Variants in SOX6 observed in about 807,000 individuals in gnomAD.
SOX6 encodes SRY-box transcription factor 6, also known as transcription factor SOX-6.
In SOX6, 11 loss-of-function variants were observed where a neutral mutation model predicts 97.8. The ratio of observed to expected loss-of-function variants is 0.11; its 90% confidence interval spans 0.07 to 0.19. The LOEUF (loss-of-function observed/expected upper bound fraction) is 0.19, where lower values mean the gene tolerates loss of function less well. Ranked by LOEUF, SOX6 falls within the 10% of genes least tolerant of loss-of-function variation. The pLI is 1.00. For synonymous variants in SOX6, 360 were observed against 371.4 expected (o/e 0.97, Z 0.35); for missense variants, 810 against 1,039.5 (o/e 0.78, Z 3.04).
intron 4 of SOX6, among the ~76,000 whole-genome samples, chr11:16,211,098 T>G (rs912483287): frequency 6.6e-6 from 1 of 151,544 alleles, no homozygotes; most frequent in African/African-American, 2.4e-5. Flanking sequence ...GGTAAACACA[T>G]AAAAATAAAA....
intron 4 of SOX6, among the ~76,000 whole-genome samples, chr11:16,192,991 G>A (rs971171292): frequency 6.6e-6 from 1 of 152,022 alleles, no homozygotes; most frequent in Non-Finnish European, 1.5e-5. Flanking sequence ...CCCATACCTA[G>A]AACTTTTACA....
At chr11:16,488,699 A>C (rs1198407848) in intron 4 of SOX6, among the ~76,000 whole-genome samples, 1 of 152,162 alleles carries the variant, frequency 6.6e-6, no homozygotes, top group Non-Finnish European at 1.5e-5. Flanking sequence ...AGTCCTTCTC[A>C]ACCTTACCTT....
intron 4 of SOX6, among the ~76,000 whole-genome samples, chr11:16,517,920 G>A (rs1281332623): frequency 6.6e-6 from 1 of 151,990 alleles, no homozygotes; most frequent in African/African-American, 2.4e-5. Flanking sequence ...TTCTCTCACT[G>A]CCCTTGACTA....
At chr11:16,603,998 G>A (rs1255165780) in intron 4 of SOX6, among the ~76,000 whole-genome samples, 1 of 152,214 alleles carries the variant, frequency 6.6e-6, no homozygotes, top group Admixed American at 6.5e-5. Flanking sequence ...GGTGCTGAGT[G>A]CGCAGGCTAA....
intron 4 of SOX6, among the ~76,000 whole-genome samples, chr11:16,202,846 T>C (rs1851975841): frequency 6.6e-6 from 1 of 152,170 alleles, no homozygotes; most frequent in South Asian, 2.1e-4. Flanking sequence ...AGACTACTCG[T>C]AATTTTAAAA....
chr11:15,974,174 G>A (rs1564887799), intron 15 of SOX6, among the ~76,000 whole-genome samples: 1 of 152,030 alleles, frequency 6.6e-6, no homozygotes, highest in Admixed American at 6.5e-5. Context: ...ATACAAGCCG[G>A]GGTCAGGGAA....
intron 4 of SOX6, chr11:16,483,978 C>A (rs1189347635): frequency 1.2e-6 from 1 of 854,172 alleles, no homozygotes; most frequent in Non-Finnish European, 2.0e-6. Context: ...TGGCTGTGAT[C>A]ACCTTGATCC....
chr11:16,100,656 A>T (rs1448714585), intron 7 of SOX6, among the ~76,000 whole-genome samples: 2 of 151,572 alleles, frequency 1.3e-5, no homozygotes, highest in African/African-American at 4.8e-5. Context: ...CGGCAGGAGA[A>T]GGGGAGCTTG....
At chr11:16,438,537 A>G (rs1859433660) in intron 1 of SOX6, among the ~76,000 whole-genome samples, 1 of 152,172 alleles carries the variant, frequency 6.6e-6, no homozygotes. Flanking sequence ...AGAACTTTCT[A>G]TGAATTCTTT....
At chr11:16,407,906 A>G (rs1343687415) in intron 1 of SOX6, among the ~76,000 whole-genome samples, 1 of 152,182 alleles carries the variant, frequency 6.6e-6, no homozygotes, top group Non-Finnish European at 1.5e-5. Flanking sequence ...ATAACATAAT[A>G]AAATCATTTT....
At chr11:16,269,654 ATTTTC>A (rs1854188951) in intron 3 of SOX6, among the ~76,000 whole-genome samples, 1 of 150,554 alleles carries the variant, frequency 6.6e-6, no homozygotes, top group Non-Finnish European at 1.5e-5. Context: ...AAATTTGTAT[ATTTTC>A]TTTTAAGTTT....
intron 4 of SOX6, among the ~76,000 whole-genome samples, chr11:16,532,124 A>G (rs1435331322): frequency 2.0e-5 from 3 of 151,810 alleles, no homozygotes; most frequent in African/African-American, 7.2e-5. Context: ...ATCCATTCGT[A>G]ACTAGCATTT....
At chr11:16,061,474 G>A (rs564726780) in intron 9 of SOX6, among the ~76,000 whole-genome samples, 5 of 151,496 alleles carry the variant, frequency 3.3e-5, no homozygotes, top group African/African-American at 1.2e-4. Context: ...TGCCCCCAAA[G>A]AATTTAGAGA....
intron 3 of SOX6, among the ~76,000 whole-genome samples, chr11:16,711,606 T>C (rs1848181432): frequency 6.6e-6 from 1 of 152,234 alleles, no homozygotes; most frequent in Non-Finnish European, 1.5e-5. Flanking sequence ...CATTTCATGA[T>C]CTAAAAGCTC....
chr11:16,245,504 C>G (rs1853310491), intron 3 of SOX6, among the ~76,000 whole-genome samples: 1 of 151,656 alleles, frequency 6.6e-6, no homozygotes. Context: ...CTTGTTTTAT[C>G]ATATTCTAAA....
At chr11:16,316,504 C>T (rs1198023890) in intron 3 of SOX6, 1 of 151,684 alleles carries the variant, frequency 6.6e-6, no homozygotes, top group Non-Finnish European at 1.5e-5. Context: ...TAATAAATGA[C>T]TCTTAAAGGA....
chr11:16,338,834 A>C (rs902828397), intron 2 of SOX6, among the ~76,000 whole-genome samples: 3 of 152,038 alleles, frequency 2.0e-5, no homozygotes, highest in Non-Finnish European at 1.5e-5. Context: ...AAAATTATTA[A>C]TATATTTTTA....
chr11:16,695,563 C>A (rs1273622070), intron 3 of SOX6, among the ~76,000 whole-genome samples: 1 of 152,084 alleles, frequency 6.6e-6, no homozygotes, highest in Non-Finnish European at 1.5e-5. Context: ...AATACCAGAC[C>A]ACCATTATTG....
chr11:16,516,806 G>A (rs1269615707), intron 4 of SOX6, among the ~76,000 whole-genome samples: 8 of 150,932 alleles, frequency 5.3e-5, no homozygotes, highest in Non-Finnish European at 1.0e-4. Flanking sequence ...GAAAAAGAGG[G>A]AATCCTCCCT....
Sources: gnomAD v4.1 joint callset for allele counts (sites outside exome capture counted in the v4.1 genomes callset) on GRCh38, gnomAD v4.1.1 for gene constraint, MANE v1.5 for transcripts, NCBI Gene and HGNC (gene_info 2026-07-23, HGNC 2026-07-21) for gene names.